The following XKR3 variants were observed in gnomAD, a reference collection of about 807,000 sequenced individuals.
The protein encoded by XKR3 is XK related 3, also known as XK-related protein 3.
In XKR3, 27 loss-of-function variants were observed where a neutral mutation model predicts 40.3. The observed-to-expected ratio is 0.67, with a 90% CI of 0.49 to 0.92. The LOEUF (loss-of-function observed/expected upper bound fraction) is 0.92, where lower values mean the gene tolerates loss of function less well. Among genes scored for constraint, XKR3 ranks in the 40% least tolerant of loss-of-function variants. XKR3 has a pLI of 0.00. For synonymous variants in XKR3, 193 were observed against 195.4 expected, an observed-to-expected ratio of 0.99 and a Z score of 0.10; for missense variants, 472 against 537.6, an observed-to-expected ratio of 0.88 and a Z score of 1.21.
chr22:16,803,870 T>C (rs1412631423), intron 2 of XKR3, among the ~76,000 whole-genome samples: 3 of 152,164 alleles, frequency 2.0e-5, no homozygotes, highest in African/African-American at 4.8e-5. Context: ...CTCTATGGAG[T>C]AGCCATTCTT....
chr22:16,811,157 T>G (rs1433593671), intron 1 of XKR3, among the ~76,000 whole-genome samples: 4 of 151,490 alleles, frequency 2.6e-5, no homozygotes, highest in Admixed American at 1.3e-4. Context: ...AACAAAGTCT[T>G]GCTCTGTTGC....
intron 3 of XKR3, among the ~76,000 whole-genome samples, chr22:16,795,542 C>T (rs2146150294): frequency 6.6e-6 from 1 of 151,924 alleles, no homozygotes; most frequent in Middle Eastern, 3.4e-3. Context: ...AAGAAAATAA[C>T]TAAAGCTAGA....
intron 1 of XKR3, chr22:16,821,759 A>T (rs2060257169): frequency 6.6e-6 from 1 of 152,144 alleles, no homozygotes; most frequent in South Asian, 2.1e-4. Context: ...GCAGGTATCT[A>T]GGAAACCTCG....
intron 1 of XKR3, among the ~76,000 whole-genome samples, chr22:16,813,200 C>T (rs1252309312): frequency 6.6e-6 from 1 of 151,850 alleles, no homozygotes; most frequent in Non-Finnish European, 1.5e-5. Flanking sequence ...AGGAGTATGG[C>T]GTGAACCTGG....
rs530085011 is a variant in XKR3, at chr22:16,803,356, A to G, written c.336-3332T>C. Among the ~76,000 whole-genome samples, 5 of 152,304 alleles carry G rather than the reference A, an allele frequency of 3.3e-5. No homozygotes were observed. The East Asian group carries it at 9.7e-4, about 29-fold the overall frequency. ...TCAGCGACATATAAAAAATGATAAT[A>G]CACAACAACCAAATAGGATTTATTT... On this transcript the variant is annotated intron_variant, in intron 2 of 3. Transcript: ENST00000684488.
intron 3 of XKR3, among the ~76,000 whole-genome samples, chr22:16,790,030 T>A (rs1374712802): frequency 6.6e-6 from 1 of 152,126 alleles, no homozygotes; most frequent in Non-Finnish European, 1.5e-5. Context: ...TTCCAGCTAC[T>A]CTGGGGTCTG....
At chr22:16,789,111 G>A (rs2060103413) in intron 3 of XKR3, among the ~76,000 whole-genome samples, 1 of 152,086 alleles carries the variant, frequency 6.6e-6, no homozygotes, top group African/African-American at 2.4e-5. Context: ...GATCTGAAAG[G>A]AGACTAAGAA....
intron 3 of XKR3, among the ~76,000 whole-genome samples, chr22:16,784,749 A>T (rs1227375465): frequency 2.6e-5 from 4 of 152,252 alleles, no homozygotes; most frequent in Non-Finnish European, 5.9e-5. Context: ...GACAGCACAT[A>T]TAAAGCAGTC....
intron 3 of XKR3, among the ~76,000 whole-genome samples, chr22:16,793,563 A>T (rs2146147945): frequency 6.6e-6 from 1 of 152,278 alleles, no homozygotes. Context: ...AGCAGAAATC[A>T]CCTGGTGACC....
intron 3 of XKR3, among the ~76,000 whole-genome samples, chr22:16,792,058 C>A (rs1252549864): frequency 1.3e-5 from 2 of 152,086 alleles, no homozygotes; most frequent in Non-Finnish European, 2.9e-5. Flanking sequence ...TCTCTTGCCT[C>A]AGCCTACCGA....
intron 2 of XKR3, among the ~76,000 whole-genome samples, chr22:16,806,936 T>C (rs1482513210): frequency 6.6e-6 from 1 of 152,156 alleles, no homozygotes; most frequent in Admixed American, 6.5e-5. Context: ...AATTCCTATG[T>C]GGTCCATAAA....
chr22:16,795,690 C>T (rs943398441), intron 3 of XKR3, among the ~76,000 whole-genome samples: 9 of 151,906 alleles, frequency 5.9e-5, no homozygotes, highest in African/African-American at 2.2e-4. Context: ...AAAAAGGCTG[C>T]GTATGATGAC....
intron 3 of XKR3, among the ~76,000 whole-genome samples, chr22:16,791,275 G>A (rs1419500879): frequency 8.0e-5 from 12 of 150,356 alleles, no homozygotes; most frequent in Non-Finnish European, 1.5e-4. Flanking sequence ...AAGACATTAC[G>A]TTGAGTGAAA....
intron 1 of XKR3, among the ~76,000 whole-genome samples, chr22:16,808,771 A>C (rs748004028): frequency 1.3e-5 from 2 of 152,220 alleles, no homozygotes; most frequent in African/African-American, 4.8e-5. Context: ...AAAATTACTG[A>C]CATACTGTGA....
At position 16,808,030 on chromosome 22, in the gene XKR3, C is replaced by A. The variant is rs948183814; in HGVS notation, c.44G>T (p.Gly15Val). 2 of 1,612,486 alleles carry A rather than the reference C, an allele frequency of 1.2e-6. No individual in the cohort carries two copies. Among genetic ancestry groups the A allele is most frequent in the Non-Finnish European group, 1.7e-6 (2 of 1,179,422 alleles). The change falls in exon 2 of 4, where the codon GGA becomes GTA. Residue 15 changes from glycine (G) to valine (V), a missense_variant. Gly to Val is a moderately radical substitution (Grantham distance 109). Coordinates refer to ENST00000684488, the MANE Select transcript of XKR3 (RefSeq NM_001386955.1). The stretch of plus-strand genomic sequence containing the variant: ...TATTTCTTCTTTCGAAGATGAAACT[C>A]CTCCTGTGCTTTCTTCATCCATCTC... ...FEEMDEESTG[G>V]VSSSKEEIVL...
chr22:16,822,446 T>C (rs1240769167), intron 1 of XKR3, among the ~76,000 whole-genome samples: 1 of 151,930 alleles, frequency 6.6e-6, no homozygotes, highest in Non-Finnish European at 1.5e-5. Context: ...AAGTAACACA[T>C]GGAGAAAACA....
At chr22:16,816,538 C>T (rs549371299) in intron 1 of XKR3, among the ~76,000 whole-genome samples, 18 of 151,732 alleles carry the variant, frequency 1.2e-4, no homozygotes, top group Middle Eastern at 3.4e-3. Flanking sequence ...CAAATTCCTA[C>T]GTACCATTTT....
At chr22:16,787,724 G>A (rs1483004162) in intron 3 of XKR3, among the ~76,000 whole-genome samples, 2 of 151,866 alleles carry the variant, frequency 1.3e-5, no homozygotes, top group Non-Finnish European at 2.9e-5. Context: ...ATATCGCCAT[G>A]GCTTAATATA....
chr22:16,793,046 CTT>C (rs1183192246), intron 3 of XKR3, among the ~76,000 whole-genome samples: 2 of 151,918 alleles, frequency 1.3e-5, no homozygotes, highest in Non-Finnish European at 2.9e-5. Flanking sequence ...GAGTTTTGCT[CTT>C]GTTTCCCAGG....
Sources: gnomAD v4.1 joint callset for allele counts (sites outside exome capture counted in the v4.1 genomes callset) on GRCh38, gnomAD v4.1.1 for gene constraint, MANE v1.5 for transcripts, NCBI Gene and HGNC (gene_info 2026-07-23, HGNC 2026-07-21) for gene names.